STK32B: variants seen among roughly 807,000 people sequenced by gnomAD.
The protein encoded by STK32B is serine/threonine-protein kinase 32B.
Under a neutral mutation model 52.6 loss-of-function variants are expected in STK32B, and 43 were observed. That is an observed-to-expected ratio of 0.82 (90% confidence interval 0.64 to 1.05). The LOEUF is 1.05. STK32B is among the 50% of genes least tolerant of loss of function. The probability of loss-of-function intolerance (pLI) is 0.00; values close to 1 mark genes in which losing one functional copy is unlikely to be tolerated. For synonymous variants in STK32B, 238 were observed against 204.3 expected (o/e 1.17, Z -1.41); for missense variants, 621 against 534.6 (o/e 1.16, Z -1.59).
chr4:5,443,912 C>T lies in STK32B; in HGVS notation c.563-2761C>T, dbSNP rs561221330. Among the ~76,000 whole-genome samples the T allele has an allele frequency of 5.3e-5, 8 of 152,324 alleles. No individual in the cohort carries two copies. The East Asian group carries it at 5.8e-4, about 11-fold the overall frequency. On this transcript the variant is annotated intron_variant, in intron 6 of 11. Transcript: ENST00000282908. ...GGGGGTGCCTGCCAGTCAGGCTGCT[C>T]GGTGGTCAGGGGTCAGGCACCCACT...
chr4:5,398,387 T>C lies in STK32B; in HGVS notation c.472+143T>C. ...CTTCTCTTGTTTCAATCCTGGTGGA[T>C]CAACATCTGTGTAAATTTCTGGTCC... On this transcript the variant is annotated intron_variant, in intron 5 of 11. Coordinates refer to ENST00000282908, the MANE Select transcript of STK32B (RefSeq NM_018401.3). The surrounding 1 kb of genome is among the most constrained non-coding windows in gnomAD (Gnocchi z 4.9). 2.4e-6 allele frequency: 2 copies of C among 830,782 alleles called. No individual in the cohort carries two copies. Among genetic ancestry groups the C allele is most frequent in the Non-Finnish European group, 3.8e-6 (2 of 524,782 alleles). The allele number at this position is 830,782 out of a possible 1,614,324, so 51.5% of individuals were successfully genotyped here. A position where few individuals can be genotyped will look rare whatever the true frequency, so the allele number is the denominator to read the frequency against.
At chr4:5,061,782 C>T (rs1474393396) in intron 1 of STK32B, among the ~76,000 whole-genome samples, 2 of 152,168 alleles carry the variant, frequency 1.3e-5, no homozygotes, top group African/African-American at 2.4e-5. Flanking sequence ...TACCAAGCCT[C>T]CTCCTCTTTG....
intron 2 of STK32B, among the ~76,000 whole-genome samples, chr4:5,142,164 G>C (rs1207915084): frequency 1.3e-5 from 2 of 152,174 alleles, no homozygotes; most frequent in Non-Finnish European, 2.9e-5. Context: ...TGCTGCTTGG[G>C]GAGCAAAGTT....
At chr4:5,150,044 CTTG>C (rs2108844181) in intron 2 of STK32B, among the ~76,000 whole-genome samples, 1 of 151,770 alleles carries the variant, frequency 6.6e-6, no homozygotes, top group South Asian at 2.1e-4. Context: ...AAGATTTTGT[CTTG>C]TTGTCATCTA....
intron 3 of STK32B, among the ~76,000 whole-genome samples, chr4:5,187,596 G>C (rs1337891893): frequency 6.6e-6 from 1 of 151,576 alleles, no homozygotes; most frequent in Non-Finnish European, 1.5e-5. Flanking sequence ...GGGTGTGTCG[G>C]GGCAGGGTGG....
At chr4:5,140,079 A>G (rs1577097289) in intron 2 of STK32B, 119 bp downstream of exon 2, 1 of 1,488,934 alleles carries the variant, frequency 6.7e-7, no homozygotes, top group East Asian at 2.3e-5. Context: ...GACTTGACAA[A>G]CTTGAAATGT....
chr4:5,122,425 T>C (rs1715100250), intron 1 of STK32B, among the ~76,000 whole-genome samples: 1 of 147,930 alleles, frequency 6.8e-6, no homozygotes, highest in Non-Finnish European at 1.5e-5. Flanking sequence ...CATTCACTCA[T>C]TAACCTACTT....
At chr4:5,215,208 T>G (rs1292328931) in intron 3 of STK32B, among the ~76,000 whole-genome samples, 1 of 152,232 alleles carries the variant, frequency 6.6e-6, no homozygotes, top group Non-Finnish European at 1.5e-5. Context: ...ACATAGTGTT[T>G]TAACTGGGTT....
chr4:5,212,047 C>G (rs1225614437), intron 3 of STK32B, among the ~76,000 whole-genome samples: 1 of 152,164 alleles, frequency 6.6e-6, no homozygotes, highest in Admixed American at 6.5e-5. Flanking sequence ...TTGTTTAGCT[C>G]CTACTGTGTG....
At chr4:5,443,330 C>T (rs1370960203) in intron 6 of STK32B, among the ~76,000 whole-genome samples, 18 of 151,514 alleles carry the variant, frequency 1.2e-4, no homozygotes, top group African/African-American at 4.4e-4. Context: ...CTCTAAACTT[C>T]CCTTCTCGCT....
intron 3 of STK32B, among the ~76,000 whole-genome samples, chr4:5,323,705 G>A (rs930361203): frequency 1.3e-5 from 2 of 152,200 alleles, no homozygotes; most frequent in Non-Finnish European, 2.9e-5. Context: ...TGTTTCAGGC[G>A]TTTGTGGCTT....
intron 1 of STK32B, among the ~76,000 whole-genome samples, chr4:5,127,799 C>G (rs1715495419): frequency 6.6e-6 from 1 of 152,158 alleles, no homozygotes; most frequent in Non-Finnish European, 1.5e-5. Flanking sequence ...TCCCATACTT[C>G]CCACGTGTCG....
At chr4:5,403,118 G>C (rs963037091) in intron 5 of STK32B, among the ~76,000 whole-genome samples, 20 of 152,132 alleles carry the variant, frequency 1.3e-4, no homozygotes, top group African/African-American at 4.6e-4. Context: ...TAAGCTGATG[G>C]ACTGCCCTGC....
chr4:5,188,690 A>C (rs73093661), intron 3 of STK32B, among the ~76,000 whole-genome samples: 3,345 of 151,932 alleles, frequency 0.022, 96 homozygotes, highest in African/African-American at 0.068. Context: ...ATACATTTTA[A>C]TTATCTTGTT....
At chr4:5,464,521 A>G (rs1377269622) in intron 9 of STK32B, among the ~76,000 whole-genome samples, 1 of 152,222 alleles carries the variant, frequency 6.6e-6, no homozygotes, top group Non-Finnish European at 1.5e-5. Context: ...TCTCTGCCTG[A>G]GCCAGACCCC....
chr4:5,169,069 C>T (rs951319941), intron 3 of STK32B, among the ~76,000 whole-genome samples: 2 of 152,198 alleles, frequency 1.3e-5, no homozygotes, highest in African/African-American at 4.8e-5. Flanking sequence ...CCAGTGTCCC[C>T]TAACCAACAC....
At chr4:5,365,768 AT>A (rs1162885489) in intron 4 of STK32B, among the ~76,000 whole-genome samples, 2 of 152,108 alleles carry the variant, frequency 1.3e-5, no homozygotes, top group Non-Finnish European at 2.9e-5. Context: ...GATGTTACTC[AT>A]TTTTCAAAAG....
intron 3 of STK32B, among the ~76,000 whole-genome samples, chr4:5,172,312 C>A (rs1342726222): frequency 1.6e-4 from 25 of 152,134 alleles, no homozygotes; most frequent in Non-Finnish European, 3.4e-4. Context: ...CCTTCTCCTG[C>A]CTGATTGCCC....
chr4:5,182,847 A>G (rs1423832987), intron 3 of STK32B, among the ~76,000 whole-genome samples: 1 of 152,212 alleles, frequency 6.6e-6, no homozygotes, highest in Non-Finnish European at 1.5e-5. Context: ...GTTAGCAGGC[A>G]TGAAAACAAC....
Sources: gnomAD v4.1 joint callset for allele counts (sites outside exome capture counted in the v4.1 genomes callset) on GRCh38, gnomAD v4.1.1 for gene constraint, Gnocchi (gnomAD v3.1) non-coding constraint, MANE v1.5 for transcripts, NCBI Gene and HGNC (gene_info 2026-07-23, HGNC 2026-07-21) for gene names.